Variants in IKBKB observed in about 807,000 individuals in gnomAD.
The protein encoded by IKBKB is inhibitor of nuclear factor kappa-B kinase subunit beta.
Under a neutral mutation model 113.6 loss-of-function variants are expected in IKBKB, and 42 were observed. That is an observed-to-expected ratio of 0.37 (90% CI 0.29 to 0.48). The LOEUF (loss-of-function observed/expected upper bound fraction) is 0.48, where lower values mean the gene tolerates loss of function less well. IKBKB is among the 20% of genes least tolerant of loss of function. IKBKB has a pLI of 0.99. For synonymous variants in IKBKB, 296 were observed against 361.3 expected (o/e 0.82, Z 2.05); for missense variants, 673 against 939.7 (o/e 0.72, Z 3.71).
intron 7 of IKBKB, among the ~76,000 whole-genome samples, chr8:42,306,895 G>T (rs1327655601): frequency 3.9e-5 from 6 of 152,162 alleles, no homozygotes. Flanking sequence ...ACGTTATTTG[G>T]TCTGAATATT....
intron 2 of IKBKB, among the ~76,000 whole-genome samples, chr8:42,280,316 A>G (rs961538500): frequency 6.6e-6 from 1 of 152,050 alleles, no homozygotes; most frequent in Admixed American, 6.6e-5. Flanking sequence ...ACCATTCCAC[A>G]TTGTGTCGGG....
intron 2 of IKBKB, among the ~76,000 whole-genome samples, chr8:42,286,648 G>A (rs181996507): frequency 4.9e-4 from 75 of 152,256 alleles, no homozygotes; most frequent in African/African-American, 1.8e-3. Flanking sequence ...GCATTTTTTT[G>A]TAGAGATGGG....
intron 5 of IKBKB, among the ~76,000 whole-genome samples, chr8:42,300,846 G>A (rs541065194): frequency 1.3e-5 from 2 of 152,226 alleles, no homozygotes; most frequent in South Asian, 2.1e-4. Context: ...GCACTGTGTC[G>A]TTTATTTTAG....
intron 15 of IKBKB, 93 bp from the exon 16 acceptor site, chr8:42,320,642 T>C (rs1819583110): frequency 1.0e-6 from 1 of 977,000 alleles, no homozygotes; most frequent in Non-Finnish European, 1.6e-6. Context: ...CCTCAGGGAA[T>C]GTGGCGGGTC....
chr8:42,308,400 C>T (rs975591094), intron 7 of IKBKB, among the ~76,000 whole-genome samples: 5 of 151,222 alleles, frequency 3.3e-5, no homozygotes, highest in Admixed American at 6.6e-5. Context: ...CAGGTTCAAG[C>T]GATTCTTGTG....
chr8:42,309,072 C>T lies in IKBKB; in HGVS notation c.692+47C>T, dbSNP rs201045633. 109 of 1,585,836 alleles carry T rather than the reference C, an allele frequency of 6.9e-5. 1 individual carries two copies. In the African/African-American group the frequency reaches 1.3e-3, roughly 19 times the overall value. On this transcript the variant is annotated intron_variant, in intron 8 of 21. Coordinates refer to ENST00000520810, the MANE Select transcript of IKBKB (RefSeq NM_001556.3). ...GGATGGAGGAGGGAGCCTGTCTGTT[C>T]CTTTCTCTTCACGTACCCTGTTTCC...
chr8:42,272,460 T>G (rs1274082199), intron 2 of IKBKB: 6 of 589,186 alleles, frequency 1.0e-5, no homozygotes, highest in Admixed American at 3.1e-5. Flanking sequence ...TATATATATA[T>G]GGTAACAGTA....
At chr8:42,327,748 T>C (rs1227339927) in intron 20 of IKBKB, among the ~76,000 whole-genome samples, 3 of 149,180 alleles carry the variant, frequency 2.0e-5, no homozygotes, top group Non-Finnish European at 4.4e-5. Context: ...TTCTCCTGCC[T>C]CAGCCTTCCG....
intron 21 of IKBKB, chr8:42,330,158 A>G (rs1821500299): frequency 3.0e-6 from 3 of 985,240 alleles, no homozygotes; most frequent in South Asian, 4.7e-5. Flanking sequence ...CACAGTGAGC[A>G]TGGGAGTGAG....
At chr8:42,280,209 A>G (rs1305888877) in intron 2 of IKBKB, among the ~76,000 whole-genome samples, 2 of 152,048 alleles carry the variant, frequency 1.3e-5, no homozygotes, top group African/African-American at 4.8e-5. Context: ...AGAGAACCCC[A>G]CATTGAGTGT....
intron 2 of IKBKB, among the ~76,000 whole-genome samples, chr8:42,285,473 T>C (rs1811234363): frequency 6.6e-6 from 1 of 152,224 alleles, no homozygotes; most frequent in Non-Finnish European, 1.5e-5. Context: ...GAGGATCGCT[T>C]GAGCCCAGGA....
intron 5 of IKBKB, chr8:42,298,586 AG>A (rs2130432459): frequency 1.5e-6 from 1 of 665,028 alleles, no homozygotes; most frequent in African/African-American, 2.0e-5. Context: ...TTGCACATAA[AG>A]CTTTTTGGAA....
At position 42,319,403 on chromosome 8, in the gene IKBKB, C is replaced by T. The variant is rs759599047; in HGVS notation, c.1498C>T (p.Gln500Ter). Residue 500 changes from glutamine to a stop codon, truncating the protein, a stop_gained, in exon 14 of 22, where the codon CAA becomes TAA. Transcript: ENST00000520810. LOFTEE classifies it high-confidence loss of function. ...GATTGACCTGGAGAAGTACAGCGAGCAAACCGAGTTTGGGATCAGTGAGTG... is the reference window on the plus strand; with the variant it reads ...GATTGACCTGGAGAAGTACAGCGAGTAAACCGAGTTTGGGATCAGTGAGTG... ...IQIDLEKYSE[Q>*]TEFGITSDKL... 3 of 1,614,174 alleles carry T rather than the reference C, an allele frequency of 1.9e-6. No individual in the cohort carries two copies. Among genetic ancestry groups the T allele is most frequent in the Admixed American group, 1.7e-5 (1 of 60,016 alleles).
chr8:42,323,292 C>T lies in IKBKB; in HGVS notation c.1986+798C>T, dbSNP rs149080685. Among the ~76,000 whole-genome samples the T allele has an allele frequency of 3.9e-3, 594 of 152,382 alleles. 4 individuals are homozygous for T. The highest frequency in any genetic ancestry group is 0.014 in the African/African-American group (575 of 41,594). On this transcript the variant is annotated intron_variant, in intron 19 of 21. Coordinates refer to ENST00000520810, the MANE Select transcript of IKBKB (RefSeq NM_001556.3). The stretch of plus-strand genomic sequence containing the variant: ...CACCAATTCAGCCCACCGTCATGCA[C>T]GGCAGTGCAACTTGGTTGACCATCG...
At chr8:42,329,918 T>C in intron 21 of IKBKB, 2 of 985,470 alleles carry the variant, frequency 2.0e-6, no homozygotes, top group South Asian at 9.4e-5. Context: ...AACTTTAAGC[T>C]TTTGGAAGAA....
chr8:42,324,473 C>T (rs1820354853), intron 19 of IKBKB, among the ~76,000 whole-genome samples: 1 of 152,074 alleles, frequency 6.6e-6, no homozygotes, highest in African/African-American at 2.4e-5. Context: ...CCATGTTGGC[C>T]AGGCTGGTCT....
intron 9 of IKBKB, among the ~76,000 whole-genome samples, chr8:42,314,756 CAG>C (rs1162210550): frequency 7.0e-6 from 1 of 143,678 alleles, no homozygotes; most frequent in African/African-American, 2.6e-5. Flanking sequence ...GCCTGGGAGA[CAG>C]AGTGAGACTC....
chr8:42,325,475 T>G (rs535050977), intron 19 of IKBKB: 69 of 847,180 alleles, frequency 8.1e-5, no homozygotes, highest in Admixed American at 2.5e-4. Flanking sequence ...GGTCAGGAGT[T>G]CGAGACCAGC....
At chr8:42,278,093 G>A (rs1466082222) in intron 2 of IKBKB, among the ~76,000 whole-genome samples, 1 of 152,222 alleles carries the variant, frequency 6.6e-6, no homozygotes, top group African/African-American at 2.4e-5. Context: ...GTCAGTGTCA[G>A]AGGAGGTTCC....
Sources: allele counts gnomAD v4.1 joint callset (sites outside exome capture counted in the v4.1 genomes callset), GRCh38; gene constraint gnomAD v4.1.1; transcripts MANE v1.5; gene names NCBI Gene and HGNC (gene_info 2026-07-23, HGNC 2026-07-21).